The following RBMS3 variants were observed in gnomAD, a reference collection of about 807,000 sequenced individuals.
RBMS3 encodes RNA-binding motif, single-stranded-interacting protein 3.
In RBMS3, 27 loss-of-function variants were observed where a neutral mutation model predicts 66.8. The ratio of observed to expected loss-of-function variants is 0.40; its 90% confidence interval spans 0.30 to 0.56. The LOEUF (loss-of-function observed/expected upper bound fraction) is 0.56. Ranked by LOEUF, RBMS3 falls within the 20% of genes least tolerant of loss-of-function variation. The pLI, the probability that RBMS3 is intolerant of heterozygous loss-of-function variation, is 0.40. For missense variants in RBMS3, 513 were observed against 549.5 expected (o/e 0.93, Z 0.66); for synonymous variants, 188 against 183.0 (o/e 1.03, Z -0.22).
rs1354055397 is a variant in RBMS3 at position 29,748,304 on chromosome 3, G to C, written c.557+8427G>C. 2.0e-5 allele frequency among the ~76,000 whole-genome samples: 3 copies of C among 152,044 alleles called. No homozygotes were observed. The East Asian group carries it at 5.8e-4, about 29-fold the overall frequency. On this transcript the variant is annotated intron_variant, in intron 5 of 14. Coordinates refer to ENST00000383767, the MANE Select transcript of RBMS3 (RefSeq NM_001003793.3). ...GTGAAACATTGAGTAAGGGAAAGAG[G>C]TGTAATAGGTAATAATGTCAGCCTT...
chr3:29,555,602 C>CA (rs1226118764), intron 3 of RBMS3, among the ~76,000 whole-genome samples: 19 of 152,140 alleles, frequency 1.2e-4, no homozygotes, highest in African/African-American at 4.6e-4. Context: ...ATCAAGCCAT[C>CA]AAAATGCAAA....
chr3:29,959,084 G>T (rs1291247366), intron 12 of RBMS3, among the ~76,000 whole-genome samples: 2 of 152,184 alleles, frequency 1.3e-5, no homozygotes, highest in Admixed American at 1.3e-4. Flanking sequence ...TATGGTGAAA[G>T]AATGAATACA....
At chr3:29,789,614 A>G (rs1269898446) in intron 6 of RBMS3, among the ~76,000 whole-genome samples, 1 of 152,128 alleles carries the variant, frequency 6.6e-6, no homozygotes, top group East Asian at 1.9e-4. Context: ...TACATCTTTG[A>G]TAATTAGTAT....
At chr3:29,484,773 T>C (rs9837287) in intron 2 of RBMS3, among the ~76,000 whole-genome samples, 31,048 of 152,028 alleles carry the variant, frequency 0.2, 4,172 homozygotes, top group African/African-American at 0.38. Context: ...ATTACCATCC[T>C]CAAATGCCAA....
intron 6 of RBMS3, among the ~76,000 whole-genome samples, chr3:29,809,987 T>A (rs1052562334): frequency 6.6e-6 from 1 of 152,114 alleles, no homozygotes; most frequent in African/African-American, 2.4e-5. Context: ...ATTTTACTAT[T>A]ATATTGATCC....
Position 30,007,193 on chromosome 3 carries a change from T to C in RBMS3, c.*3331T>C, listed in dbSNP as rs1699823074. ...TACATTGTGTGGTAATAAACCAAAA[T>C]AAGTTTTCAATATATACAGACAACA... On this transcript the variant is annotated 3_prime_UTR_variant, in exon 15 of 15. Transcript: ENST00000383767. 1 of 152,074 alleles carries C rather than the reference T, an allele frequency of 6.6e-6. No homozygotes were observed. The highest frequency in any genetic ancestry group is 1.5e-5 in the Non-Finnish European group (1 of 67,952). The allele number at this position is 152,074 out of a possible 1,614,324, so 9.4% of individuals were successfully genotyped here. A position where few individuals can be genotyped will look rare whatever the true frequency, so the allele number is the denominator to read the frequency against.
chr3:29,777,327 T>G lies in RBMS3; in HGVS notation c.637+14338T>G, dbSNP rs138790612. The stretch of plus-strand genomic sequence containing the variant: ...GCAGAATTATGCCTTTGTTATTCTT[T>G]TATCTCCTCCAATACCTACCATTTG... On this transcript the variant is annotated intron_variant, in intron 6 of 14. Coordinates refer to ENST00000383767, the MANE Select transcript of RBMS3 (RefSeq NM_001003793.3). 6.1e-3 allele frequency among the ~76,000 whole-genome samples: 935 copies of G among 152,056 alleles called. 9 individuals are homozygous for G. Among genetic ancestry groups the G allele is most frequent in the African/African-American group, 0.022 (894 of 41,542 alleles).
chr3:29,404,454 T>A (rs561366694), intron 1 of RBMS3, among the ~76,000 whole-genome samples: 1 of 152,294 alleles, frequency 6.6e-6, no homozygotes, highest in African/African-American at 2.4e-5. Context: ...CAGCTTACTA[T>A]CTAAATGCTC....
chr3:29,775,872 T>G (rs1465895220), intron 6 of RBMS3, among the ~76,000 whole-genome samples: 2 of 152,050 alleles, frequency 1.3e-5, no homozygotes, highest in Non-Finnish European at 2.9e-5. Context: ...AGTCTCCTAT[T>G]GTAGAGTCAC....
intron 4 of RBMS3, among the ~76,000 whole-genome samples, chr3:29,712,015 T>C (rs549768559): frequency 2.6e-5 from 4 of 152,294 alleles, no homozygotes; most frequent in East Asian, 3.9e-4. Context: ...TTTTCTTCTT[T>C]ATGTGATTAA....
At chr3:29,469,945 A>G (rs900849768) in intron 2 of RBMS3, among the ~76,000 whole-genome samples, 14 of 148,096 alleles carry the variant, frequency 9.5e-5, no homozygotes, top group Admixed American at 7.5e-4. Flanking sequence ...ATATATACAT[A>G]CATATTTAAA....
intron 1 of RBMS3, among the ~76,000 whole-genome samples, chr3:29,306,645 T>G (rs2034033116): frequency 6.6e-6 from 1 of 151,928 alleles, no homozygotes; most frequent in Admixed American, 6.6e-5. Context: ...GAACCAGAAC[T>G]ATGTCATATC....
In RBMS3 at chr3:29,645,770, G is replaced by C. The variant is rs187836407; in HGVS notation, c.399+58565G>C. 2.6e-5 allele frequency among the ~76,000 whole-genome samples: 4 copies of C among 152,218 alleles called. No homozygotes were observed. The East Asian group carries it at 7.7e-4, about 29-fold the overall frequency. On this transcript the variant is annotated intron_variant, in intron 4 of 14. Transcript: ENST00000383767. ...TTTCCAAGAGGACATTTGATGTTTT[G>C]CAGCATGGATGTCATACATCCCATA...
At chr3:29,876,591 C>A (rs2149565388) in intron 7 of RBMS3, among the ~76,000 whole-genome samples, 1 of 152,240 alleles carries the variant, frequency 6.6e-6, no homozygotes, top group Admixed American at 6.5e-5. Context: ...TTAGCTTCCA[C>A]CATGGGTCAT....
intron 7 of RBMS3, chr3:29,880,906 T>C: frequency 7.6e-7 from 1 of 1,315,766 alleles, no homozygotes; most frequent in Non-Finnish European, 1.1e-6. Context: ...AGGTACCTAC[T>C]CTAGTTACTC....
At chr3:29,542,692 A>G (rs2045810807) in intron 3 of RBMS3, among the ~76,000 whole-genome samples, 1 of 152,136 alleles carries the variant, frequency 6.6e-6, no homozygotes, top group African/African-American at 2.4e-5. Flanking sequence ...AAGGGATGTG[A>G]CAGTTTTCTC....
chr3:29,731,008 A>G (rs189757144), intron 4 of RBMS3: 1 of 985,380 alleles, frequency 1.0e-6, no homozygotes, highest in African/African-American at 1.7e-5. Flanking sequence ...TCCAGGACCA[A>G]AGGTAACTTA....
At chr3:29,726,155 A>G (rs2053863175) in intron 4 of RBMS3, among the ~76,000 whole-genome samples, 3 of 152,186 alleles carry the variant, frequency 2.0e-5, no homozygotes, top group Admixed American at 6.5e-5. Context: ...ATAAAATTCA[A>G]CACCCCTTCA....
At chr3:29,880,469 A>G (rs772410097) in intron 7 of RBMS3, among the ~76,000 whole-genome samples, 1 of 152,152 alleles carries the variant, frequency 6.6e-6, no homozygotes, top group Non-Finnish European at 1.5e-5. Flanking sequence ...TGATGATTTC[A>G]TGGTCCTAGC....
Sources: gnomAD v4.1 joint callset for allele counts (sites outside exome capture counted in the v4.1 genomes callset) on GRCh38, gnomAD v4.1.1 for gene constraint, MANE v1.5 for transcripts, NCBI Gene and HGNC (gene_info 2026-07-23, HGNC 2026-07-21) for gene names.